The following PCDHGA5 variants were observed in gnomAD, a reference collection of about 807,000 sequenced individuals.
PCDHGA5 encodes the protein protocadherin gamma-A5.
In PCDHGA5, 36 loss-of-function variants were observed where a neutral mutation model predicts 56.7. The ratio of observed to expected loss-of-function variants is 0.64; its 90% CI spans 0.49 to 0.84. The LOEUF (loss-of-function observed/expected upper bound fraction) is 0.84. PCDHGA5 is among the 40% of genes least tolerant of loss of function. PCDHGA5 has a pLI of 0.00. For missense variants in PCDHGA5, 1,305 were observed against 1,201.5 expected (o/e 1.09, Z -1.27); for synonymous variants, 563 against 520.2 (o/e 1.08, Z -1.12).
In PCDHGA5 at chr5:141,415,072, G is replaced by A. The variant is rs558067255; in HGVS notation, c.2421+48321G>A. On this transcript the variant is annotated intron_variant, in intron 1 of 3. Coordinates refer to ENST00000518069, the MANE Select transcript of PCDHGA5 (RefSeq NM_018918.3). ...GGAGCACACGGGCGAGGTGCGCACG[G>A]CGCGAGCCCTGCTGGACAGAGACGC... 6.2e-5 allele frequency: 100 copies of A among 1,613,418 alleles called. No individual in the cohort carries two copies. The East Asian group carries it at 2.0e-3, about 32-fold the overall frequency.
chr5:141,478,396 G>T (rs150499152), intron 1 of PCDHGA5: 2 of 1,613,446 alleles, frequency 1.2e-6, no homozygotes, highest in African/African-American at 2.7e-5. Flanking sequence ...ACCATCAGGT[G>T]TATCTCACCA....
intron 1 of PCDHGA5, chr5:141,389,294 A>C: frequency 1.2e-6 from 2 of 1,613,964 alleles, no homozygotes; most frequent in Non-Finnish European, 8.5e-7. Flanking sequence ...CCTCTATTTC[A>C]CAAGTCAGGG....
chr5:141,395,074 C>G, intron 1 of PCDHGA5: 1 of 1,614,166 alleles, frequency 6.2e-7, no homozygotes, highest in East Asian at 2.2e-5. Flanking sequence ...CAGACCTATT[C>G]CCAGGAAGTC....
rs188953728 is a variant in PCDHGA5, at chr5:141,448,550, T to A, written c.2422-46257T>A. Among the ~76,000 whole-genome samples, 304 of 152,316 alleles carry A rather than the reference T, an allele frequency of 2.0e-3. 1 individual carries two copies. Among genetic ancestry groups the A allele is most frequent in the African/African-American group, 6.6e-3 (275 of 41,578 alleles). On this transcript the variant is annotated intron_variant, in intron 1 of 3. Transcript: ENST00000518069. ...CCTGTCAGCATTTCTTATGCAAATA[T>A]GTACATATATTTTTATTTCCCCATT...
In PCDHGA5 at chr5:141,490,729, C is replaced by G. The variant is rs1365931429; in HGVS notation, c.2422-4078C>G. ...CCTCACCTACTCCATTGTAGGAAAT[C>G]AGGTTCAGGGAGCCCCAGCCTCCTC... On this transcript the variant is annotated intron_variant, in intron 1 of 3. Coordinates refer to ENST00000518069, the MANE Select transcript of PCDHGA5 (RefSeq NM_018918.3). The surrounding 1 kb of genome is among the most constrained non-coding windows in gnomAD (Gnocchi z 5.4). 1 of 1,614,184 alleles carries G rather than the reference C, an allele frequency of 6.2e-7. No homozygotes were observed.
intron 1 of PCDHGA5, chr5:141,419,230 C>G (rs1439568232): frequency 6.2e-7 from 1 of 1,613,910 alleles, no homozygotes; most frequent in Non-Finnish European, 8.5e-7. Context: ...AGTCAGCCTA[C>G]CTGGTCCACG....
In PCDHGA5 at chr5:141,433,051, G is replaced by A. The variant is rs754102028; in HGVS notation, c.2422-61756G>A. The A allele has an allele frequency of 1.8e-5, 29 of 1,614,066 alleles. No homozygotes were observed. In the East Asian group the frequency reaches 2.5e-4, roughly 14 times the overall value. On this transcript the variant is annotated intron_variant, in intron 1 of 3. Transcript: ENST00000518069. ...AGGTTTCCCTCACCACGGACTCGCG[G>A]AAGAGTCACCTGATCTTCCCCCAGC...
At chr5:141,375,504 T>G in intron 1 of PCDHGA5, 2 of 1,614,004 alleles carry the variant, frequency 1.2e-6, no homozygotes, top group Non-Finnish European at 1.7e-6. Flanking sequence ...ATCTTCTCTG[T>G]GAATGCACTG....
rs1408938686 is a variant in PCDHGA5 at position 141,398,777 on chromosome 5, G to A, written c.2421+32026G>A. On this transcript the variant is annotated intron_variant, in intron 1 of 3. Transcript: ENST00000518069. ...CGTTTAGTCCTGACTGCCTTGGACG[G>A]TGGACATCCACCCCTAAGCGGCACC... is the stretch of plus-strand genomic sequence containing the variant. The A allele has an allele frequency of 3.1e-6, 5 of 1,613,902 alleles. 1 individual carries two copies. The South Asian group carries it at 3.3e-5, about 11-fold the overall frequency.
intron 1 of PCDHGA5, chr5:141,395,493 A>T: frequency 2.0e-6 from 1 of 490,474 alleles, no homozygotes; most frequent in Non-Finnish European, 3.5e-6. Context: ...ATTATCACTC[A>T]TTCACTTAAG....
chr5:141,427,146 A>G (rs901147622), intron 1 of PCDHGA5: 10 of 456,872 alleles, frequency 2.2e-5, no homozygotes, highest in Admixed American at 7.0e-5. Context: ...TGATATTGGA[A>G]ATATGTTTGT....
Position 141,422,832 on chromosome 5 carries a change from A to G in PCDHGA5, c.2421+56081A>G, listed in dbSNP as rs12520854. On this transcript the variant is annotated intron_variant, in intron 1 of 3. Coordinates refer to ENST00000518069, the MANE Select transcript of PCDHGA5 (RefSeq NM_018918.3). Reference sequence around the variant, plus strand: ...GAGACTTAGAACTGAGAGTGATAGCACGTGACAGCGGGGACCCGCCCCTCA... The same window carrying G: ...GAGACTTAGAACTGAGAGTGATAGCGCGTGACAGCGGGGACCCGCCCCTCA... The G allele has an allele frequency of 6.8e-3, 10,902 of 1,614,192 alleles. 60 individuals are homozygous for G. The highest frequency in any genetic ancestry group is 7.9e-3 in the Non-Finnish European group (9,294 of 1,180,036).
chr5:141,388,868 A>G lies in PCDHGA5; in HGVS notation c.2421+22117A>G, dbSNP rs138074064. On this transcript the variant is annotated intron_variant, in intron 1 of 3. Transcript: ENST00000518069. The stretch of plus-strand genomic sequence containing the variant: ...GGGACGGTGGAGGAATGATTGCGCA[A>G]TGCACAGTGGAGGTAGAAGTCATAG... 208 of 1,613,992 alleles carry G rather than the reference A, an allele frequency of 1.3e-4. 2 individuals are homozygous for G. In the African/African-American group the frequency reaches 2.5e-3, roughly 19 times the overall value.
At position 141,468,868 on chromosome 5, in the gene PCDHGA5, A is replaced by AAAT. The variant is rs993655754; in HGVS notation, c.2422-25921_2422-25919dup. Among the ~76,000 whole-genome samples, 30 of 151,912 alleles carry AAAT rather than the reference A, an allele frequency of 2.0e-4. No homozygotes were observed. The East Asian group carries it at 4.3e-3, about 22-fold the overall frequency. On this transcript the variant is annotated intron_variant, in intron 1 of 3. Coordinates refer to ENST00000518069, the MANE Select transcript of PCDHGA5 (RefSeq NM_018918.3). ...GCAACAGAGCGAGACTCCATCTCAAAAATAATAATAATAATAATAAGGTAC... is the reference window on the plus strand; with the variant it reads ...GCAACAGAGCGAGACTCCATCTCAAAAATAATAATAATAATAATAATAAGGTAC...
In PCDHGA5 at chr5:141,384,503, A is replaced by T. The variant is rs761415530; in HGVS notation, c.2421+17752A>T. On this transcript the variant is annotated intron_variant, in intron 1 of 3. Coordinates refer to ENST00000518069, the MANE Select transcript of PCDHGA5 (RefSeq NM_018918.3). ...GAACTACAACTAAGAGTGACTGCACATGACAGCGGGGACCCGCCTCTCAGC... is the reference window on the plus strand; with the variant it reads ...GAACTACAACTAAGAGTGACTGCACTTGACAGCGGGGACCCGCCTCTCAGC... 155 of 1,614,074 alleles carry T rather than the reference A, an allele frequency of 9.6e-5. No individual in the cohort carries two copies. Among genetic ancestry groups the T allele is most frequent in the Non-Finnish European group, 1.3e-4 (153 of 1,180,026 alleles).
At chr5:141,399,720 C>G (rs1217371004) in intron 1 of PCDHGA5, 2 of 1,613,306 alleles carry the variant, frequency 1.2e-6, no homozygotes, top group South Asian at 2.2e-5. Context: ...TACAGGCCCG[C>G]GACCAGGGCT....
chr5:141,367,937 T>G (rs1345542732), intron 1 of PCDHGA5, among the ~76,000 whole-genome samples: 1 of 152,236 alleles, frequency 6.6e-6, no homozygotes, highest in African/African-American at 2.4e-5. Flanking sequence ...TAAAGATGGT[T>G]CAAAATTTTA....
chr5:141,372,282 CG>C (rs1768601013), intron 1 of PCDHGA5: 1 of 1,613,084 alleles, frequency 6.2e-7, no homozygotes, highest in African/African-American at 1.3e-5. Context: ...GCGCACGGCG[CG>C]TACCTTGGGC....
Position 141,511,178 on chromosome 5 carries a change from G to A in PCDHGA5, c.*5G>A. The A allele has an allele frequency of 6.2e-7, 1 of 1,614,090 alleles. No homozygotes were observed. Among genetic ancestry groups the A allele is most frequent in the South Asian group, 1.1e-5 (1 of 91,074 alleles). On this transcript the variant is annotated 3_prime_UTR_variant, in exon 4 of 4. Coordinates refer to ENST00000518069, the MANE Select transcript of PCDHGA5 (RefSeq NM_018918.3). ...GGCAAGAAGGAGAAGAAGTAACATG[G>A]AGGCCAGGCCAAGAGCCACAGGGCG...
Sources: allele counts gnomAD v4.1 joint callset (sites outside exome capture counted in the v4.1 genomes callset), GRCh38; gene constraint gnomAD v4.1.1; non-coding constraint Gnocchi (gnomAD v3.1); transcripts MANE v1.5; gene names NCBI Gene and HGNC (gene_info 2026-07-23, HGNC 2026-07-21).